VAV1: variants seen among roughly 807,000 people sequenced by gnomAD.
VAV1 encodes proto-oncogene vav.
In VAV1, 33 loss-of-function variants were observed where a neutral mutation model predicts 128.1. That is an observed-to-expected ratio of 0.26 (90% CI 0.20 to 0.34). The LOEUF is 0.34. Among genes scored for constraint, VAV1 ranks in the 10% least tolerant of loss-of-function variants. The pLI is 1.00. For synonymous variants in VAV1, 394 were observed against 409.8 expected (o/e 0.96, Z 0.47); for missense variants, 715 against 1,093.7 (o/e 0.65, Z 4.88).
chr19:6,785,742 C>G (rs1250100447), intron 1 of VAV1, among the ~76,000 whole-genome samples: 1 of 151,366 alleles, frequency 6.6e-6, no homozygotes, highest in Non-Finnish European at 1.5e-5. Context: ...TCACCGCAAC[C>G]TCTGCCTCCT....
intron 1 of VAV1, among the ~76,000 whole-genome samples, chr19:6,816,265 C>T (rs1971646404): frequency 1.3e-5 from 2 of 152,008 alleles, no homozygotes; most frequent in South Asian, 4.1e-4. Context: ...CATGATCTGC[C>T]CTCCTCGGCT....
rs566406180 is a variant in VAV1 at position 6,836,232 on chromosome 19, G to A, written c.1778-200G>A. 6.2e-5 allele frequency: 39 copies of A among 626,622 alleles called. No individual in the cohort carries two copies. The East Asian group carries it at 1.1e-3, about 18-fold the overall frequency. 38.8% of individuals were successfully genotyped at this position (626,622 alleles called of 1,614,324 possible). A position where few individuals can be genotyped will look rare whatever the true frequency, so the allele number is the denominator to read the frequency against. ...GGTTACAGAGTAGATACAATGTTTA[G>A]CTTCAGTAGATATTGCCAAATAGTT... On this transcript the variant is annotated intron_variant, in intron 19 of 26. Transcript: ENST00000602142.
chr19:6,819,365 G>T (rs1331674360), intron 1 of VAV1, among the ~76,000 whole-genome samples: 4 of 152,184 alleles, frequency 2.6e-5, no homozygotes, highest in Admixed American at 2.0e-4. Flanking sequence ...CACAGAATGG[G>T]ACCTGTGTTT....
At position 6,822,644 on chromosome 19, in the gene VAV1, T is replaced by C; in HGVS notation, c.654+130T>C. On this transcript the variant is annotated intron_variant, in intron 6 of 26. Coordinates refer to ENST00000602142, the MANE Select transcript of VAV1 (RefSeq NM_005428.4). This position sits in a 1 kb window ranked among gnomAD's most constrained non-coding sequence, Gnocchi z 5.9. ...TCCCATCGCTTTTCCTTTCTGTGACTGTCTCCGTCTCTGAGTTTCTCTGAC... is the reference window on the plus strand; with the variant it reads ...TCCCATCGCTTTTCCTTTCTGTGACCGTCTCCGTCTCTGAGTTTCTCTGAC... The C allele has an allele frequency of 1.4e-6, 1 of 703,784 alleles. No homozygotes were observed. The allele number at this position is 703,784 out of a possible 1,614,324, so 43.6% of individuals were successfully genotyped here. A position where few individuals can be genotyped will look rare whatever the true frequency, so the allele number is the denominator to read the frequency against.
At chr19:6,780,474 A>G (rs1240926241) in intron 1 of VAV1, among the ~76,000 whole-genome samples, 1 of 150,774 alleles carries the variant, frequency 6.6e-6, no homozygotes, top group East Asian at 1.9e-4. Context: ...GCTATATGGT[A>G]TAACCTATTG....
At chr19:6,823,931 C>CT (rs142722522) in intron 6 of VAV1, among the ~76,000 whole-genome samples, 6,936 of 150,492 alleles carry the variant, frequency 0.046, 276 homozygotes, top group African/African-American at 0.11. Context: ...TTTTTTGTTT[C>CT]TTTTTTTTTG....
rs781071437 is a variant in VAV1 at position 6,852,952 on chromosome 19, GT to G, written c.2218-12del. 19 of 1,604,472 alleles carry G rather than the reference GT, an allele frequency of 1.2e-5. 1 individual carries two copies. ...CCGCTGGGATAGCATCTGCCATGTG[GT>G]CCGCCTTCTAGGAGCTGGTGGAGTT... On this transcript the variant is annotated splice_polypyrimidine_tract_variant and intron_variant, in intron 24 of 26. Coordinates refer to ENST00000602142, the MANE Select transcript of VAV1 (RefSeq NM_005428.4).
rs746995262 is a variant in VAV1, at chr19:6,852,946, C to G, written c.2218-19C>G. 5.6e-6 allele frequency: 9 copies of G among 1,601,496 alleles called. No individual in the cohort carries two copies. The highest frequency in any genetic ancestry group is 7.7e-6 in the Non-Finnish European group (9 of 1,171,304). ...GCTGGCCCGCTGGGATAGCATCTGC[C>G]ATGTGGTCCGCCTTCTAGGAGCTGG... On this transcript the variant is annotated intron_variant, in intron 24 of 26. Transcript: ENST00000602142.
At chr19:6,839,790 A>T (rs1972325896) in intron 21 of VAV1, among the ~76,000 whole-genome samples, 1 of 152,056 alleles carries the variant, frequency 6.6e-6, no homozygotes, top group Admixed American at 6.6e-5. Context: ...TCCCAGGCTC[A>T]GGTGGTCCTC....
At chr19:6,798,904 C>A (rs1314804127) in intron 1 of VAV1, among the ~76,000 whole-genome samples, 3 of 151,206 alleles carry the variant, frequency 2.0e-5, no homozygotes, top group Non-Finnish European at 1.5e-5. Flanking sequence ...TCCTCCATCC[C>A]ACCCCTCCCT....
chr19:6,825,477 C>A, intron 8 of VAV1, 71 bp downstream of exon 8: 2 of 1,349,006 alleles, frequency 1.5e-6, no homozygotes, highest in Non-Finnish European at 2.1e-6. Flanking sequence ...TCTGAGAGAC[C>A]TTACCCTCAG....
At chr19:6,807,364 C>G (rs1029922264) in intron 1 of VAV1, among the ~76,000 whole-genome samples, 1 of 151,866 alleles carries the variant, frequency 6.6e-6, no homozygotes, top group Admixed American at 6.6e-5. Flanking sequence ...CGATAAGGAG[C>G]GCACAAGGTA....
At position 6,842,401 on chromosome 19, in the gene VAV1, C is replaced by T. The variant is rs942540598; in HGVS notation, c.1981-734C>T. On this transcript the variant is annotated intron_variant, in intron 21 of 26. Coordinates refer to ENST00000602142, the MANE Select transcript of VAV1 (RefSeq NM_005428.4). ...ATATGGTTTTGCAACTCTTCAGCTCCGCCCCTGTAGTGCAAAAGTAGCCAC... is the reference window on the plus strand; with the variant it reads ...ATATGGTTTTGCAACTCTTCAGCTCTGCCCCTGTAGTGCAAAAGTAGCCAC... Among the ~76,000 whole-genome samples the T allele has an allele frequency of 2.0e-5, 3 of 152,116 alleles. 1 individual carries two copies. The highest frequency in any genetic ancestry group is 4.4e-5 in the Non-Finnish European group (3 of 68,024).
At chr19:6,808,312 C>CA (rs545772702) in intron 1 of VAV1, among the ~76,000 whole-genome samples, 14 of 148,062 alleles carry the variant, frequency 9.5e-5, no homozygotes, top group East Asian at 7.9e-4. Flanking sequence ...GACTTCATCT[C>CA]AAAAAAAAAA....
intron 1 of VAV1, among the ~76,000 whole-genome samples, chr19:6,793,306 C>T (rs1054788208): frequency 6.6e-6 from 1 of 151,848 alleles, no homozygotes; most frequent in Non-Finnish European, 1.5e-5. Flanking sequence ...TGCACTCCAG[C>T]CTGGGTGACA....
chr19:6,838,162 CATCT>C (rs978943182), intron 21 of VAV1, among the ~76,000 whole-genome samples: 11 of 149,300 alleles, frequency 7.4e-5, no homozygotes, highest in Non-Finnish European at 1.3e-4. Context: ...ATCTATATAT[CATCT>C]ATCTATTTAC....
intron 9 of VAV1, among the ~76,000 whole-genome samples, chr19:6,827,512 C>T (rs1448568693): frequency 4.6e-5 from 7 of 151,984 alleles, no homozygotes; most frequent in Admixed American, 2.6e-4. Flanking sequence ...TGGGCTCAAG[C>T]GACTCACCCA....
At position 6,822,179 on chromosome 19, in the gene VAV1, T is replaced by A; in HGVS notation, c.450-42T>A. On this transcript the variant is annotated intron_variant, in intron 4 of 26. Coordinates refer to ENST00000602142, the MANE Select transcript of VAV1 (RefSeq NM_005428.4). This position sits in a 1 kb window ranked among gnomAD's most constrained non-coding sequence, Gnocchi z 5.9. The stretch of plus-strand genomic sequence containing the variant: ...GGGGTCTGCGGGGACCCTGCTGTGA[T>A]CTGGGAGAGGTCCAAGGGATCCCTG... 3 of 1,538,048 alleles carry A rather than the reference T, an allele frequency of 2.0e-6. No individual in the cohort carries two copies. Among genetic ancestry groups the A allele is most frequent in the Non-Finnish European group, 2.6e-6 (3 of 1,134,328 alleles).
intron 6 of VAV1, among the ~76,000 whole-genome samples, chr19:6,823,084 TTATA>T (rs1014099345): frequency 3.4e-5 from 5 of 148,870 alleles, no homozygotes; most frequent in African/African-American, 1.2e-4. Context: ...ATATATACCT[TTATA>T]TATCTTATAT....
Sources: allele counts gnomAD v4.1 joint callset (sites outside exome capture counted in the v4.1 genomes callset), GRCh38; gene constraint gnomAD v4.1.1; non-coding constraint Gnocchi (gnomAD v3.1); transcripts MANE v1.5; gene names NCBI Gene and HGNC (gene_info 2026-07-23, HGNC 2026-07-21).